KCNJ6: variants seen among roughly 807,000 people sequenced by gnomAD.
The protein encoded by KCNJ6 is potassium inwardly rectifying channel subfamily J member 6.
A neutral mutation model predicts 34.2 loss-of-function variants in KCNJ6; 9 were observed. The observed-to-expected ratio is 0.26, with a 90% CI of 0.16 to 0.46. The LOEUF is 0.46. Ranked by LOEUF, KCNJ6 falls within the 20% of genes least tolerant of loss-of-function variation. KCNJ6 has a pLI of 1.00. For synonymous variants in KCNJ6, 196 were observed against 207.1 expected, an observed-to-expected ratio of 0.95 and a Z score of 0.46; for missense variants, 236 against 531.3, an observed-to-expected ratio of 0.44 and a Z score of 5.46.
intron 1 of KCNJ6, among the ~76,000 whole-genome samples, chr21:37,900,637 G>A (rs962007689): frequency 2.6e-5 from 4 of 152,164 alleles, no homozygotes; most frequent in Non-Finnish European, 5.9e-5. Flanking sequence ...GAATGAAGGC[G>A]CTTGCTGAGA....
intron 3 of KCNJ6, among the ~76,000 whole-genome samples, chr21:37,682,568 G>A (rs1358994567): frequency 1.3e-5 from 2 of 152,086 alleles, no homozygotes; most frequent in South Asian, 2.1e-4. Flanking sequence ...TCTCTTATAA[G>A]GGCAATTGTC....
At chr21:37,796,779 CTTT>C (rs1172378200) in intron 2 of KCNJ6, among the ~76,000 whole-genome samples, 13 of 71,468 alleles carry the variant, frequency 1.8e-4, no homozygotes, top group African/African-American at 3.1e-4. Flanking sequence ...TTCTTTCTTT[CTTT>C]TTTTTTTTTT....
At chr21:37,804,858 T>G in intron 2 of KCNJ6, among the ~76,000 whole-genome samples, 1 of 152,206 alleles carries the variant, frequency 6.6e-6, no homozygotes, top group South Asian at 2.1e-4. Context: ...TTTACTATAG[T>G]GAGTAGGCAC....
chr21:37,803,998 C>G (rs565654398), intron 2 of KCNJ6, among the ~76,000 whole-genome samples: 3 of 152,028 alleles, frequency 2.0e-5, no homozygotes, highest in African/African-American at 7.3e-5. Context: ...GCTCAAAATC[C>G]CTGTGAGCAA....
intron 3 of KCNJ6, among the ~76,000 whole-genome samples, chr21:37,634,753 T>TAC (rs1041886671): frequency 7.8e-6 from 1 of 128,840 alleles, no homozygotes; most frequent in African/African-American, 3.0e-5. Flanking sequence ...TAGGAATACA[T>TAC]ACAAATCATT....
At position 37,623,223 on chromosome 21, in the gene KCNJ6, C is replaced by T. The variant is rs926274538; in HGVS notation, c.*1936G>A. On this transcript the variant is annotated 3_prime_UTR_variant, in exon 4 of 4. Transcript: ENST00000609713. Reference sequence around the variant, plus strand: ...CTCTGAGATGGGAGAAGAGAGGCCCCGAGGTTATATTTAGGAGCCACTTTC... The same window carrying T: ...CTCTGAGATGGGAGAAGAGAGGCCCTGAGGTTATATTTAGGAGCCACTTTC... The T allele has an allele frequency of 2.0e-5, 3 of 152,194 alleles. No individual in the cohort carries two copies. The highest frequency in any genetic ancestry group is 4.8e-5 in the African/African-American group (2 of 41,426). 9.4% of individuals were successfully genotyped at this position (152,194 alleles called of 1,614,324 possible).
intron 2 of KCNJ6, among the ~76,000 whole-genome samples, chr21:37,788,136 A>C (rs1344012073): frequency 7.9e-5 from 12 of 152,228 alleles, no homozygotes; most frequent in Non-Finnish European, 2.9e-5. Context: ...TGATCACATA[A>C]TGAAGCAGTT....
At chr21:37,852,440 C>A (rs544376378) in intron 1 of KCNJ6, among the ~76,000 whole-genome samples, 3 of 152,198 alleles carry the variant, frequency 2.0e-5, no homozygotes, top group Non-Finnish European at 4.4e-5. Flanking sequence ...AATGAGGTGC[C>A]CCCTCCTATC....
intron 3 of KCNJ6, among the ~76,000 whole-genome samples, chr21:37,684,396 C>A (rs1264638734): frequency 6.6e-6 from 1 of 151,836 alleles, no homozygotes; most frequent in African/African-American, 2.4e-5. Flanking sequence ...ATGGTCTGCT[C>A]TTCTCCAGTA....
rs369797736 is a variant in KCNJ6, at chr21:37,617,032, C to CTT, written c.*8125_*8126dup. 6.4e-5 allele frequency: 1 copy of CTT among 15,704 alleles called. No individual in the cohort carries two copies. The highest frequency in any genetic ancestry group is 1.4e-4 in the Non-Finnish European group (1 of 6,958). 1.0% of individuals were successfully genotyped at this position (15,704 alleles called of 1,614,324 possible). A position where few individuals can be genotyped will look rare whatever the true frequency, so the allele number is the denominator to read the frequency against. On this transcript the variant is annotated 3_prime_UTR_variant, in exon 4 of 4. Coordinates refer to ENST00000609713, the MANE Select transcript of KCNJ6 (RefSeq NM_002240.5). Reference sequence around the variant, plus strand: ...TTTCTCTTTCTTTCTTTCTTTCTTTCTTTCTTTCTTTCTTTCTTTCTTTTC... The same window carrying CTT: ...TTTCTCTTTCTTTCTTTCTTTCTTTCTTTTTCTTTCTTTCTTTCTTTCTTTTC...
intron 1 of KCNJ6, among the ~76,000 whole-genome samples, chr21:37,855,748 T>C (rs1224373302): frequency 6.6e-6 from 1 of 152,224 alleles, no homozygotes; most frequent in South Asian, 2.1e-4. Context: ...GAAACTCAGT[T>C]CTGCTCAACC....
chr21:37,871,733 G>A (rs146807844), intron 1 of KCNJ6, among the ~76,000 whole-genome samples: 3 of 152,356 alleles, frequency 2.0e-5, no homozygotes, highest in African/African-American at 7.2e-5. Context: ...GATGGAGAGA[G>A]GTGAGGCTGC....
intron 2 of KCNJ6, among the ~76,000 whole-genome samples, chr21:37,768,858 G>C (rs1203677139): frequency 2.0e-5 from 3 of 152,208 alleles, no homozygotes; most frequent in Non-Finnish European, 4.4e-5. Context: ...TAATTGAATG[G>C]GAAGGGGCAC....
intron 2 of KCNJ6, among the ~76,000 whole-genome samples, chr21:37,800,482 G>A (rs1297926584): frequency 1.3e-5 from 2 of 152,154 alleles, no homozygotes; most frequent in South Asian, 4.1e-4. Context: ...CCAAGCTACC[G>A]TTCTTAGAAA....
In KCNJ6 at chr21:37,694,107, G is replaced by T. The variant is rs1051513055; in HGVS notation, c.946+20104C>A. 2.6e-5 allele frequency among the ~76,000 whole-genome samples: 4 copies of T among 152,220 alleles called. No individual in the cohort carries two copies. The East Asian group carries it at 5.8e-4, about 22-fold the overall frequency. ...TGGGAAGTAAGAAAGTGCTGAGAAGGTTCTGGAGGGAGAAAGGCCCCTCCT... is the reference window on the plus strand; with the variant it reads ...TGGGAAGTAAGAAAGTGCTGAGAAGTTTCTGGAGGGAGAAAGGCCCCTCCT... On this transcript the variant is annotated intron_variant, in intron 3 of 3. Coordinates refer to ENST00000609713, the MANE Select transcript of KCNJ6 (RefSeq NM_002240.5).
chr21:37,827,673 CTTTG>C (rs1601490393), intron 2 of KCNJ6, among the ~76,000 whole-genome samples: 1 of 151,832 alleles, frequency 6.6e-6, no homozygotes, highest in East Asian at 1.9e-4. Context: ...TCATTTTCAC[CTTTG>C]TTTGAGTGCC....
chr21:37,690,762 G>A (rs550181721), intron 3 of KCNJ6, among the ~76,000 whole-genome samples: 97 of 149,540 alleles, frequency 6.5e-4, no homozygotes, highest in African/African-American at 2.4e-3. Flanking sequence ...GATACTTCAG[G>A]TTACTTCTTT....
In KCNJ6 at chr21:37,794,699, G is replaced by A. The variant is rs151066456; in HGVS notation, c.25+45959C>T. On this transcript the variant is annotated intron_variant, in intron 2 of 3. Transcript: ENST00000609713. ...CAATGAGAACACTTGGACACAGGGA[G>A]GGGAACATCACATACCGGGGCCTGT... Among the ~76,000 whole-genome samples the A allele has an allele frequency of 3.5e-3, 529 of 152,166 alleles. 8 individuals are homozygous for A. Among genetic ancestry groups the A allele is most frequent in the East Asian group, 0.025 (127 of 5,172 alleles).
chr21:37,664,244 A>G (rs556631959), intron 3 of KCNJ6, among the ~76,000 whole-genome samples: 258 of 152,266 alleles, frequency 1.7e-3, no homozygotes, highest in African/African-American at 5.8e-3. Flanking sequence ...ATTAGAAAAA[A>G]AGAAGAAAGA....
Sources: allele counts gnomAD v4.1 joint callset (sites outside exome capture counted in the v4.1 genomes callset), GRCh38; gene constraint gnomAD v4.1.1; transcripts MANE v1.5; gene names NCBI Gene and HGNC (gene_info 2026-07-23, HGNC 2026-07-21).